The following CAMK1D variants were observed in gnomAD, a reference collection of about 807,000 sequenced individuals.
CAMK1D encodes calcium/calmodulin dependent protein kinase ID, also known as calcium/calmodulin-dependent protein kinase type 1D.
A neutral mutation model predicts 47.7 loss-of-function variants in CAMK1D; 9 were observed. That is an observed-to-expected ratio of 0.19 (90% CI 0.11 to 0.33). CAMK1D has a LOEUF of 0.33. Ranked by LOEUF, CAMK1D falls within the 10% of genes least tolerant of loss-of-function variation. The pLI, the probability that CAMK1D is intolerant of heterozygous loss-of-function variation, is 1.00. For synonymous variants in CAMK1D, 184 were observed against 184.9 expected, an observed-to-expected ratio of 0.99 and a Z score of 0.04; for missense variants, 291 against 488.7, an observed-to-expected ratio of 0.60 and a Z score of 3.81.
chr10:12,791,651 G>A (rs1837983506), intron 6 of CAMK1D, among the ~76,000 whole-genome samples: 1 of 144,862 alleles, frequency 6.9e-6, no homozygotes, highest in Non-Finnish European at 1.5e-5. Context: ...GCATGGGTCA[G>A]AATTTCCTTT....
At chr10:12,420,052 C>T (rs1322579919) in intron 1 of CAMK1D, among the ~76,000 whole-genome samples, 1 of 152,050 alleles carries the variant, frequency 6.6e-6, no homozygotes, top group African/African-American at 2.4e-5. Context: ...CTCCGCCTCC[C>T]GGGTTCACGC....
intron 3 of CAMK1D, among the ~76,000 whole-genome samples, chr10:12,719,837 C>T (rs1421704640): frequency 6.6e-6 from 1 of 152,238 alleles, no homozygotes; most frequent in African/African-American, 2.4e-5. Flanking sequence ...AATAATTGCT[C>T]ATCGCATCCC....
chr10:12,530,926 G>A (rs1428953402), intron 1 of CAMK1D, among the ~76,000 whole-genome samples: 2 of 151,938 alleles, frequency 1.3e-5, no homozygotes, highest in African/African-American at 2.4e-5. Flanking sequence ...GTGTGATGGC[G>A]GGCGCCTGTA....
At chr10:12,471,803 G>A (rs145051055) in intron 1 of CAMK1D, among the ~76,000 whole-genome samples, 2,229 of 152,198 alleles carry the variant, frequency 0.015, 36 homozygotes, top group East Asian at 0.045. Context: ...AAGCCGAGAT[G>A]GGAGGATCGC....
At chr10:12,735,284 G>T (rs1459625390) in intron 3 of CAMK1D, among the ~76,000 whole-genome samples, 1 of 152,086 alleles carries the variant, frequency 6.6e-6, no homozygotes, top group Admixed American at 6.5e-5. Flanking sequence ...AGACCATCCT[G>T]GGCTATCACG....
intron 3 of CAMK1D, among the ~76,000 whole-genome samples, chr10:12,735,106 AG>A (rs1450411323): frequency 6.6e-6 from 1 of 152,222 alleles, no homozygotes; most frequent in Non-Finnish European, 1.5e-5. Context: ...TGCTTTTCAT[AG>A]GTCTTCCTCA....
intron 3 of CAMK1D, among the ~76,000 whole-genome samples, chr10:12,689,421 G>C (rs1832784863): frequency 6.6e-6 from 1 of 152,176 alleles, no homozygotes; most frequent in African/African-American, 2.4e-5. Flanking sequence ...AAATGCATTT[G>C]AACAGAAAAC....
chr10:12,408,728 G>A (rs1839539963), intron 1 of CAMK1D, among the ~76,000 whole-genome samples: 2 of 152,152 alleles, frequency 1.3e-5, no homozygotes, highest in Non-Finnish European at 2.9e-5. Context: ...CTTGGATGCT[G>A]CAAACAGTAC....
At chr10:12,631,781 A>C (rs1234782141) in intron 2 of CAMK1D, among the ~76,000 whole-genome samples, 2 of 151,888 alleles carry the variant, frequency 1.3e-5, no homozygotes, top group Non-Finnish European at 2.9e-5. Flanking sequence ...TGTCATTCAG[A>C]ATTGGGAACA....
At position 12,802,477 on chromosome 10, in the gene CAMK1D, A is replaced by T. The variant is rs182398322; in HGVS notation, c.641+11244A>T. 2.2e-3 allele frequency among the ~76,000 whole-genome samples: 338 copies of T among 152,238 alleles called. 3 individuals carry two copies. Among genetic ancestry groups the T allele is most frequent in the African/African-American group, 7.8e-3 (322 of 41,532 alleles). On this transcript the variant is annotated intron_variant, in intron 6 of 10. Coordinates refer to ENST00000619168, the MANE Select transcript of CAMK1D (RefSeq NM_153498.4). ...TTCAGAAATGCAGACTGGGTAGAAC[A>T]TTCCGCATTGATTTTGGAACTGCAA...
chr10:12,385,739 CTTTTTT>C (rs71384318), intron 1 of CAMK1D, among the ~76,000 whole-genome samples: 21 of 100,544 alleles, frequency 2.1e-4, no homozygotes, highest in Admixed American at 1.2e-4. Context: ...TTGAATTGTA[CTTTTTT>C]TTTTTTTTTT....
chr10:12,747,519 G>A (rs1357728566), intron 3 of CAMK1D, among the ~76,000 whole-genome samples: 1 of 151,970 alleles, frequency 6.6e-6, no homozygotes, highest in East Asian at 1.9e-4. Flanking sequence ...AGCAGGGGCT[G>A]GTCGTGCTAT....
chr10:12,500,002 A>G (rs892839327), intron 1 of CAMK1D, among the ~76,000 whole-genome samples: 19 of 152,210 alleles, frequency 1.2e-4, no homozygotes, highest in Non-Finnish European at 5.9e-5. Flanking sequence ...TTGGTGGCTC[A>G]TGCCTGTAAT....
chr10:12,481,729 C>T (rs570181264), intron 1 of CAMK1D, among the ~76,000 whole-genome samples: 2 of 152,110 alleles, frequency 1.3e-5, no homozygotes, highest in African/African-American at 4.8e-5. Flanking sequence ...AGGCTGGTCT[C>T]GAACTCCTGA....
intron 2 of CAMK1D, among the ~76,000 whole-genome samples, chr10:12,615,362 TA>T (rs1422124900): frequency 7.2e-5 from 11 of 152,226 alleles, no homozygotes; most frequent in African/African-American, 2.7e-4. Flanking sequence ...TTTACTCAAG[TA>T]TAGGTTCTGG....
At chr10:12,739,536 G>A (rs533284788) in intron 3 of CAMK1D, among the ~76,000 whole-genome samples, 169 of 148,560 alleles carry the variant, frequency 1.1e-3, no homozygotes, top group Non-Finnish European at 2.1e-3. Flanking sequence ...TGATCCACCC[G>A]CCTCGGCCTC....
intron 5 of CAMK1D, among the ~76,000 whole-genome samples, chr10:12,782,440 G>A (rs551879109): frequency 2.6e-4 from 39 of 152,266 alleles, no homozygotes; most frequent in African/African-American, 9.1e-4. Context: ...GCAACAACAC[G>A]AAGCTTAATT....
intron 2 of CAMK1D, among the ~76,000 whole-genome samples, chr10:12,588,061 G>A (rs1379199986): frequency 6.6e-6 from 1 of 152,100 alleles, no homozygotes; most frequent in Admixed American, 6.5e-5. Flanking sequence ...TTGGTAGATC[G>A]TAGATAATAT....
intron 3 of CAMK1D, among the ~76,000 whole-genome samples, chr10:12,734,753 C>T (rs1050183009): frequency 9.2e-5 from 14 of 151,844 alleles, no homozygotes; most frequent in South Asian, 2.1e-4. Flanking sequence ...CTCCTTAGCC[C>T]GATTTTTCTT....
Sources: gnomAD v4.1 joint callset for allele counts (sites outside exome capture counted in the v4.1 genomes callset) on GRCh38, gnomAD v4.1.1 for gene constraint, MANE v1.5 for transcripts, NCBI Gene and HGNC (gene_info 2026-07-23, HGNC 2026-07-21) for gene names.